DRG1: variants seen among roughly 807,000 people sequenced by gnomAD.
DRG1 encodes developmentally regulated GTP binding protein 1, also known as developmentally-regulated GTP-binding protein 1.
A neutral mutation model predicts 38.8 loss-of-function variants in DRG1; 19 were observed. That is an observed-to-expected ratio of 0.49 (90% CI 0.34 to 0.72). The LOEUF is 0.72. Among genes scored for constraint, DRG1 ranks in the 30% least tolerant of loss-of-function variants. The probability of loss-of-function intolerance (pLI) is 0.01; values close to 1 mark genes in which losing one functional copy is unlikely to be tolerated. For synonymous variants in DRG1, 167 were observed against 157.5 expected (o/e 1.06, Z -0.45); for missense variants, 299 against 444.8 (o/e 0.67, Z 2.95).
intron 8 of DRG1, among the ~76,000 whole-genome samples, chr22:31,432,102 C>T (rs2050142510): frequency 4.1e-5 from 6 of 147,566 alleles, no homozygotes; most frequent in Admixed American, 3.4e-4. Context: ...GAGATAGGGT[C>T]TTGTTCTGTT....
intron 4 of DRG1, among the ~76,000 whole-genome samples, chr22:31,416,189 A>G (rs2050043612): frequency 6.6e-6 from 1 of 152,098 alleles, no homozygotes; most frequent in Non-Finnish European, 1.5e-5. Flanking sequence ...AGATGGGAGG[A>G]TCACTTGAAC....
intron 6 of DRG1, among the ~76,000 whole-genome samples, chr22:31,423,776 C>G (rs1054300465): frequency 6.6e-6 from 1 of 151,768 alleles, no homozygotes; most frequent in Non-Finnish European, 1.5e-5. Context: ...ATCCGTCTGC[C>G]TCGGCCTCCC....
At chr22:31,400,371 G>T (rs1367444184) in intron 1 of DRG1, among the ~76,000 whole-genome samples, 1 of 151,964 alleles carries the variant, frequency 6.6e-6, no homozygotes, top group Non-Finnish European at 1.5e-5. Context: ...AAAGGAACCC[G>T]CAGACGGGTT....
intron 4 of DRG1, among the ~76,000 whole-genome samples, chr22:31,412,384 T>C (rs2145862683): frequency 6.9e-6 from 1 of 145,300 alleles, no homozygotes; most frequent in Non-Finnish European, 1.5e-5. Context: ...GGAGTCTCGC[T>C]CTGTCGCCCA....
chr22:31,414,774 C>T (rs1204018498), intron 4 of DRG1, among the ~76,000 whole-genome samples: 1 of 148,800 alleles, frequency 6.7e-6, no homozygotes, highest in Non-Finnish European at 1.5e-5. Context: ...GTTCATGGCA[C>T]ATTTTCTTTT....
intron 4 of DRG1, among the ~76,000 whole-genome samples, chr22:31,411,634 A>T (rs1456353638): frequency 6.9e-6 from 1 of 145,126 alleles, no homozygotes; most frequent in Non-Finnish European, 1.5e-5. Context: ...GGTTCAAGGG[A>T]TCCTCCCACC....
At chr22:31,411,815 T>C (rs938573505) in intron 4 of DRG1, among the ~76,000 whole-genome samples, 3 of 151,958 alleles carry the variant, frequency 2.0e-5, no homozygotes, top group African/African-American at 7.2e-5. Context: ...TATTTTTATT[T>C]TACCCTTGTA....
rs1178026765 is a variant in DRG1 at position 31,426,966 on chromosome 22, C to T, written c.882-94C>T. On this transcript the variant is annotated intron_variant, in intron 7 of 8. Coordinates refer to ENST00000331457, the MANE Select transcript of DRG1 (RefSeq NM_004147.4). ...TTTTTCCCTTAAGTTGGAGGTTGTC[C>T]TGGTCTGATGTCAGGGGTGATGGAG... 45 of 1,563,490 alleles carry T rather than the reference C, an allele frequency of 2.9e-5. No individual in the cohort carries two copies. In the Admixed American group the frequency reaches 7.7e-4, roughly 27 times the overall value.
chr22:31,418,651 G>T (rs2050057711), intron 4 of DRG1, among the ~76,000 whole-genome samples: 1 of 151,846 alleles, frequency 6.6e-6, no homozygotes, highest in Non-Finnish European at 1.5e-5. Context: ...GGGATTACAG[G>T]TGTCCACTAC....
intron 7 of DRG1, 89 bp from the exon 8 acceptor site, chr22:31,426,971 C>T: frequency 6.4e-7 from 1 of 1,572,972 alleles, no homozygotes; most frequent in Non-Finnish European, 8.7e-7. Flanking sequence ...TTGTCCTGGT[C>T]TGATGTCAGG....
At chr22:31,424,411 A>G (rs547697387) in intron 6 of DRG1, among the ~76,000 whole-genome samples, 27 of 151,594 alleles carry the variant, frequency 1.8e-4, no homozygotes, top group African/African-American at 4.8e-4. Flanking sequence ...TTGGCCTGCC[A>G]GAATGTTAGG....
chr22:31,414,271 G>T (rs2050032987), intron 4 of DRG1, among the ~76,000 whole-genome samples: 2 of 152,094 alleles, frequency 1.3e-5, no homozygotes, highest in African/African-American at 4.8e-5. Flanking sequence ...TTTGCCCTCT[G>T]ATGAAGTGCA....
rs762949357 is a variant in DRG1, at chr22:31,411,023, C to G, written c.354C>G (p.Leu118=). The G allele has an allele frequency of 1.3e-5, 21 of 1,613,758 alleles. No individual in the cohort carries two copies. The highest frequency in any genetic ancestry group is 1.8e-5 in the Non-Finnish European group (21 of 1,179,886). The part of the protein sequence containing the change: ...YKGAKIQLLD[L]PGIIEGAKDG... ...TCTTAATCTTGCAGCTCCTGGATCT[C>G]CCAGGTATCATTGAAGGTGCCAAGG... The change falls in exon 4 of 9, where the codon CTC becomes CTG. Residue 118 remains leucine, a synonymous_variant. Coordinates refer to ENST00000331457, the MANE Select transcript of DRG1 (RefSeq NM_004147.4).
At chr22:31,403,898 C>T (rs1163403739) in intron 3 of DRG1, among the ~76,000 whole-genome samples, 2 of 150,092 alleles carry the variant, frequency 1.3e-5, no homozygotes, top group South Asian at 2.1e-4. Context: ...GCAGTGTGGA[C>T]ATATCTGGAC....
At chr22:31,417,142 C>T (rs565287666) in intron 4 of DRG1, among the ~76,000 whole-genome samples, 9 of 151,636 alleles carry the variant, frequency 5.9e-5, no homozygotes, top group Non-Finnish European at 1.2e-4. Flanking sequence ...GAGGCCGAGG[C>T]GGGTGGATCA....
chr22:31,402,955 T>G, intron 2 of DRG1, 74 bp from the exon 3 acceptor site: 4 of 1,487,526 alleles, frequency 2.7e-6, no homozygotes, highest in Non-Finnish European at 3.6e-6. Flanking sequence ...GCAGTAAAAA[T>G]GTGAAAGAAG....
At chr22:31,433,599 CTTTCT>C (rs549660254) in intron 8 of DRG1, among the ~76,000 whole-genome samples, 456 of 152,234 alleles carry the variant, frequency 3.0e-3, no homozygotes, top group African/African-American at 0.01. Context: ...CAAATCCATG[CTTTCT>C]TTTAATTTTA....
chr22:31,424,800 G>GCC (rs35314205), intron 6 of DRG1, among the ~76,000 whole-genome samples: 37 of 15,276 alleles, frequency 2.4e-3, no homozygotes, highest in African/African-American at 4.4e-3. Flanking sequence ...CCCGGCACCC[G>GCC]CCCCCCCCCC....
chr22:31,425,140 C>T (rs1462342758), intron 6 of DRG1, among the ~76,000 whole-genome samples: 1 of 152,018 alleles, frequency 6.6e-6, no homozygotes, highest in Admixed American at 6.6e-5. Flanking sequence ...GTTTTTATTT[C>T]TGACATCCTT....
Sources: allele counts gnomAD v4.1 joint callset (sites outside exome capture counted in the v4.1 genomes callset), GRCh38; gene constraint gnomAD v4.1.1; transcripts MANE v1.5; gene names NCBI Gene and HGNC (gene_info 2026-07-23, HGNC 2026-07-21).